The following PCSK5 variants were observed in gnomAD, a reference collection of about 807,000 sequenced individuals.
The protein encoded by PCSK5 is proprotein convertase subtilisin/kexin type 5.
PCSK5 carries 129 observed loss-of-function variants against 233.2 expected under a neutral mutation model. That is an observed-to-expected ratio of 0.55 (90% CI 0.48 to 0.64). The LOEUF (loss-of-function observed/expected upper bound fraction) is 0.64, where lower values mean the gene tolerates loss of function less well. Among genes scored for constraint, PCSK5 ranks in the 30% least tolerant of loss-of-function variants. The pLI is 0.00. For missense variants in PCSK5, 2,076 were observed against 2,430.1 expected, an observed-to-expected ratio of 0.85 and a Z score of 3.06; for synonymous variants, 825 against 879.2, an observed-to-expected ratio of 0.94 and a Z score of 1.09.
chr9:76,221,897 AG>A (rs769730373), intron 20 of PCSK5, among the ~76,000 whole-genome samples: 2 of 152,204 alleles, frequency 1.3e-5, no homozygotes, highest in Non-Finnish European at 2.9e-5. Context: ...AGAATGAAAA[AG>A]CAATGGGACC....
chr9:76,095,794 C>T lies in PCSK5; in HGVS notation c.895-96C>T. On this transcript the variant is annotated intron_variant, in intron 7 of 37. Transcript: ENST00000674117. ...CCCAGCATATTAAGATAGCAACACA[C>T]CCCACCTGCACCTACTCAGTTTGGC... 2.9e-6 allele frequency: 3 copies of T among 1,042,746 alleles called. No individual in the cohort carries two copies. The Admixed American group carries it at 5.3e-5, about 19-fold the overall frequency. 64.6% of individuals were successfully genotyped at this position (1,042,746 alleles called of 1,614,324 possible). A position where few individuals can be genotyped will look rare whatever the true frequency, so the allele number is the denominator to read the frequency against.
chr9:76,252,102 C>T (rs980352659), intron 24 of PCSK5, among the ~76,000 whole-genome samples: 24 of 151,922 alleles, frequency 1.6e-4, no homozygotes, highest in African/African-American at 5.3e-4. Context: ...CCCGTCTCTA[C>T]TAAAAATACA....
At chr9:76,110,020 T>C (rs1832145515) in intron 9 of PCSK5, among the ~76,000 whole-genome samples, 1 of 152,164 alleles carries the variant, frequency 6.6e-6, no homozygotes, top group African/African-American at 2.4e-5. Context: ...GCCTCACTCA[T>C]TTACCCAGCC....
rs779323557 is a variant in PCSK5 at position 76,308,707 on chromosome 9, C to G, written c.3667C>G (p.Leu1223Val). ...SCKTCNGSAT[L>V]CTSCPKGAYL... Reference sequence around the variant, plus strand: ...TAAAACCTGCAATGGATCTGCAACTCTGTGCACTTCATGTCCCAAAGGTTA... The same window carrying G: ...TAAAACCTGCAATGGATCTGCAACTGTGTGCACTTCATGTCCCAAAGGTTA... Residue 1223 changes from leucine to valine, a missense_variant, in exon 29 of 38, where the codon CTG (leucine) becomes GTG (valine). Transcript: ENST00000674117. 1.2e-6 allele frequency: 2 copies of G among 1,609,192 alleles called. No individual in the cohort carries two copies. The highest frequency in any genetic ancestry group is 1.7e-6 in the Non-Finnish European group (2 of 1,176,608).
At chr9:76,113,116 C>G (rs142414552) in intron 9 of PCSK5, among the ~76,000 whole-genome samples, 123 of 152,272 alleles carry the variant, frequency 8.1e-4, no homozygotes, top group African/African-American at 2.9e-3. Flanking sequence ...CCCATACTGC[C>G]TCAACTCGTC....
chr9:76,277,970 C>T (rs979667648), intron 24 of PCSK5, among the ~76,000 whole-genome samples: 4 of 152,152 alleles, frequency 2.6e-5, no homozygotes, highest in African/African-American at 4.8e-5. Flanking sequence ...TATATATTTA[C>T]CCTGGGAGAA....
intron 34 of PCSK5, among the ~76,000 whole-genome samples, chr9:76,333,882 G>A (rs1187938827): frequency 6.6e-6 from 1 of 152,164 alleles, no homozygotes; most frequent in Admixed American, 6.5e-5. Context: ...ATTTCATGAT[G>A]AGTACTTTGT....
At position 76,222,603 on chromosome 9, in the gene PCSK5, CT is replaced by C. The variant is rs945683448; in HGVS notation, c.2627-4896del. On this transcript the variant is annotated intron_variant, in intron 20 of 37. Transcript: ENST00000674117. ...TAAGTAAAATAATACAATATTCGTG[CT>C]TTTGTGACTGGCTTATTTCATTTAG... Among the ~76,000 whole-genome samples, 330 of 152,068 alleles carry C rather than the reference CT, an allele frequency of 2.2e-3. 2 individuals carry two copies. The highest frequency in any genetic ancestry group is 7.0e-3 in the African/African-American group (289 of 41,506).
intron 10 of PCSK5, among the ~76,000 whole-genome samples, chr9:76,148,785 G>C (rs901399268): frequency 6.6e-6 from 1 of 152,220 alleles, no homozygotes; most frequent in East Asian, 1.9e-4. Context: ...ATTGCAATAG[G>C]TTCCCTGCCT....
At chr9:76,272,644 G>A (rs1000251691) in intron 24 of PCSK5, among the ~76,000 whole-genome samples, 10 of 151,490 alleles carry the variant, frequency 6.6e-5, no homozygotes, top group African/African-American at 2.4e-4. Flanking sequence ...GCATGGTGGT[G>A]CATGCCTGTA....
intron 30 of PCSK5, among the ~76,000 whole-genome samples, chr9:76,319,573 C>T (rs1409035186): frequency 1.3e-5 from 2 of 152,102 alleles, no homozygotes; most frequent in Non-Finnish European, 2.9e-5. Context: ...TTGAGGGCTC[C>T]TTGGTCGAGC....
At chr9:75,923,698 C>A (rs935798307) in intron 1 of PCSK5, among the ~76,000 whole-genome samples, 3 of 152,136 alleles carry the variant, frequency 2.0e-5, no homozygotes, top group African/African-American at 7.2e-5. Context: ...TGTCTTAAAA[C>A]AATGCAAATT....
chr9:76,009,953 G>A (rs567943163), intron 3 of PCSK5, among the ~76,000 whole-genome samples: 2 of 152,280 alleles, frequency 1.3e-5, no homozygotes, highest in East Asian at 3.9e-4. Flanking sequence ...AGCCAGTCAC[G>A]GGATGCATGT....
chr9:76,328,975 A>ATTTTTTTTTTTTTTTTTTTTT (rs59466685), intron 33 of PCSK5, among the ~76,000 whole-genome samples: 23 of 123,698 alleles, frequency 1.9e-4, no homozygotes, highest in South Asian at 2.7e-4. Flanking sequence ...CTCCCGGCTA[A>ATTTTTTTTTTTTTTTTTTTTT]TTTTTTTTTT....
rs62560883 is a variant in PCSK5 at position 76,126,181 on chromosome 9, A to G, written c.1209-7928A>G. 1.2e-3 allele frequency among the ~76,000 whole-genome samples: 175 copies of G among 150,552 alleles called. 1 individual carries two copies. The highest frequency in any genetic ancestry group is 3.8e-3 in the African/African-American group (158 of 41,118). On this transcript the variant is annotated intron_variant, in intron 9 of 37. Coordinates refer to ENST00000674117, the MANE Select transcript of PCSK5 (RefSeq NM_001372043.1). Reference sequence around the variant, plus strand: ...TTGATTTTTTCCTGCGTGTGTGTGTATGTGTGTGTGTGTGTGTGTGGTGTA... The same window carrying G: ...TTGATTTTTTCCTGCGTGTGTGTGTGTGTGTGTGTGTGTGTGTGTGGTGTA...
At chr9:76,355,735 G>A (rs755901485) in intron 37 of PCSK5, among the ~76,000 whole-genome samples, 5 of 150,830 alleles carry the variant, frequency 3.3e-5, no homozygotes, top group Non-Finnish European at 7.4e-5. Context: ...ACAGAGTGTG[G>A]CTCTGTCACC....
intron 24 of PCSK5, among the ~76,000 whole-genome samples, chr9:76,266,027 T>C (rs1293200962): frequency 2.0e-5 from 3 of 152,226 alleles, no homozygotes; most frequent in Admixed American, 6.5e-5. Flanking sequence ...CCTATGTTAT[T>C]ATGCCTGCCC....
intron 1 of PCSK5, among the ~76,000 whole-genome samples, chr9:75,904,019 A>G (rs1564071665): frequency 6.6e-6 from 1 of 152,196 alleles, no homozygotes; most frequent in Non-Finnish European, 1.5e-5. Flanking sequence ...ATTACAGGCT[A>G]GCTTCCAGCA....
intron 15 of PCSK5, 117 bp downstream of exon 15, chr9:76,179,815 C>T (rs1823767478): frequency 2.9e-6 from 2 of 684,988 alleles, no homozygotes; most frequent in Non-Finnish European, 5.1e-6. Context: ...ATTCTCCCAC[C>T]AGGACCGAAA....
Sources: gnomAD v4.1 joint callset for allele counts (sites outside exome capture counted in the v4.1 genomes callset) on GRCh38, gnomAD v4.1.1 for gene constraint, MANE v1.5 for transcripts, NCBI Gene and HGNC (gene_info 2026-07-23, HGNC 2026-07-21) for gene names.